DLC1: variants seen among roughly 807,000 people sequenced by gnomAD.
DLC1 encodes the protein DLC1 Rho GTPase activating protein.
DLC1 carries 54 observed loss-of-function variants against 140.3 expected under a neutral mutation model. That is an observed-to-expected ratio of 0.38 (90% CI 0.31 to 0.48). The LOEUF (loss-of-function observed/expected upper bound fraction) is 0.48. Ranked by LOEUF, DLC1 falls within the 20% of genes least tolerant of loss-of-function variation. The pLI is 0.96. For synonymous variants in DLC1, 986 were observed against 728.1 expected (o/e 1.35, Z -5.70); for missense variants, 2,536 against 1,907.0 (o/e 1.33, Z -6.14).
intron 5 of DLC1, among the ~76,000 whole-genome samples, chr8:13,138,692 C>T (rs1822745409): frequency 6.6e-6 from 1 of 152,142 alleles, no homozygotes; most frequent in Admixed American, 6.5e-5. Context: ...GAATGGCTGT[C>T]CTTAAAACAT....
At chr8:13,595,711 A>G (rs1254939062) in intron 1 of DLC1, among the ~76,000 whole-genome samples, 1 of 152,048 alleles carries the variant, frequency 6.6e-6, no homozygotes, top group South Asian at 2.1e-4. Flanking sequence ...AAGATTACTA[A>G]TTGTGAAAAT....
At chr8:13,484,761 A>C (rs1800888005) in intron 2 of DLC1, among the ~76,000 whole-genome samples, 1 of 151,964 alleles carries the variant, frequency 6.6e-6, no homozygotes, top group Non-Finnish European at 1.5e-5. Context: ...GTCACTTTGA[A>C]CATAAACAGT....
chr8:13,297,288 A>AAAAAAAAAAAAAAAAAAAAAAAAC (rs1317943641), intron 5 of DLC1, among the ~76,000 whole-genome samples: 2 of 141,148 alleles, frequency 1.4e-5, no homozygotes, highest in African/African-American at 2.6e-5. Context: ...ACATTAAAAA[A>AAAAAAAAAAAAAAAAAAAAAAAAC]AAAAAAAACT....
intron 5 of DLC1, among the ~76,000 whole-genome samples, chr8:13,280,463 G>A (rs906461155): frequency 6.6e-6 from 1 of 152,096 alleles, no homozygotes; most frequent in African/African-American, 2.4e-5. Context: ...GTTCTAGTCT[G>A]TATCCTAAGC....
At chr8:13,466,883 C>A (rs1395882468) in intron 2 of DLC1, among the ~76,000 whole-genome samples, 2 of 151,758 alleles carry the variant, frequency 1.3e-5, no homozygotes, top group African/African-American at 4.8e-5. Flanking sequence ...TGTAGACTGG[C>A]AATAACTGAA....
intron 1 of DLC1, among the ~76,000 whole-genome samples, chr8:13,598,005 C>T (rs1319293604): frequency 2.0e-5 from 3 of 152,198 alleles, no homozygotes; most frequent in Admixed American, 2.0e-4. Context: ...TATCAAGAGT[C>T]TGATTACTAA....
At chr8:13,452,416 A>G (rs1488140342) in intron 2 of DLC1, among the ~76,000 whole-genome samples, 1 of 152,120 alleles carries the variant, frequency 6.6e-6, no homozygotes, top group Non-Finnish European at 1.5e-5. Flanking sequence ...AGAGACTGAA[A>G]CAATTTCTAC....
At chr8:13,543,803 G>A (rs114404856) in intron 1 of DLC1, among the ~76,000 whole-genome samples, 3,567 of 152,124 alleles carry the variant, frequency 0.023, 124 homozygotes, top group East Asian at 0.16. Context: ...GGTATGCAAA[G>A]GCATACAAAG....
intron 1 of DLC1, among the ~76,000 whole-genome samples, chr8:13,502,174 C>T (rs1006163743): frequency 6.6e-6 from 1 of 152,158 alleles, no homozygotes; most frequent in Non-Finnish European, 1.5e-5. Context: ...GTCACTCAAC[C>T]TTGACAAGTA....
In DLC1 at chr8:13,095,281, G is replaced by C. The variant is rs1226560177; in HGVS notation, c.3168-36C>G. ...ACACAGAGATGGTGGTGTTGGCGGA[G>C]ACATGCTCACTTGTCTGTCTACACT... On this transcript the variant is annotated intron_variant, in intron 10 of 17. Transcript: ENST00000276297. 3.7e-6 allele frequency: 6 copies of C among 1,613,398 alleles called. No homozygotes were observed. In the South Asian group the frequency reaches 5.5e-5, roughly 15 times the overall value.
At chr8:13,285,603 CAT>C (rs1330683274) in intron 5 of DLC1, among the ~76,000 whole-genome samples, 1 of 152,208 alleles carries the variant, frequency 6.6e-6, no homozygotes, top group African/African-American at 2.4e-5. Context: ...AAATTAAAGA[CAT>C]ATGGAGATAC....
At chr8:13,458,664 C>T (rs1030260136) in intron 2 of DLC1, among the ~76,000 whole-genome samples, 1 of 152,134 alleles carries the variant, frequency 6.6e-6, no homozygotes, top group Non-Finnish European at 1.5e-5. Flanking sequence ...CTTCGTATGT[C>T]AGTAGGTGAA....
intron 2 of DLC1, among the ~76,000 whole-genome samples, chr8:13,454,479 A>G (rs1052206813): frequency 1.1e-4 from 16 of 152,224 alleles, no homozygotes; most frequent in African/African-American, 3.9e-4. Context: ...AATACTGCAG[A>G]GAAAGAAGGA....
At chr8:13,435,496 T>TAG (rs758455775) in intron 2 of DLC1, among the ~76,000 whole-genome samples, 60 of 152,100 alleles carry the variant, frequency 3.9e-4, no homozygotes, top group Non-Finnish European at 7.9e-4. Context: ...GTATTTTTAG[T>TAG]AGAGATGGGG....
intron 3 of DLC1, among the ~76,000 whole-genome samples, chr8:13,395,866 A>C (rs1364839982): frequency 6.7e-6 from 1 of 150,266 alleles, no homozygotes; most frequent in Non-Finnish European, 1.5e-5. Context: ...GTTTTTTTGC[A>C]TAGAAAAGAC....
chr8:13,487,686 C>G (rs1801034669), intron 2 of DLC1, among the ~76,000 whole-genome samples: 1 of 151,944 alleles, frequency 6.6e-6, no homozygotes, highest in Admixed American at 6.6e-5. Context: ...CAGTTCTCTG[C>G]CTCAGCCTCC....
intron 5 of DLC1, among the ~76,000 whole-genome samples, chr8:13,171,936 A>G (rs1825508122): frequency 6.6e-6 from 1 of 152,168 alleles, no homozygotes; most frequent in South Asian, 2.1e-4. Context: ...GGGTATCTGA[A>G]TGCTCATCCA....
At chr8:13,201,272 A>T (rs1167882075) in intron 5 of DLC1, among the ~76,000 whole-genome samples, 1 of 152,204 alleles carries the variant, frequency 6.6e-6, no homozygotes, top group Non-Finnish European at 1.5e-5. Flanking sequence ...CGAAAAAATG[A>T]AATTGTCAAA....
intron 1 of DLC1, among the ~76,000 whole-genome samples, chr8:13,548,758 G>A (rs998624674): frequency 6.6e-6 from 1 of 151,948 alleles, no homozygotes; most frequent in Non-Finnish European, 1.5e-5. Context: ...CATCAAGATA[G>A]CCAGTAAAGA....
Sources: allele counts gnomAD v4.1 joint callset (sites outside exome capture counted in the v4.1 genomes callset), GRCh38; gene constraint gnomAD v4.1.1; transcripts MANE v1.5; gene names NCBI Gene and HGNC (gene_info 2026-07-23, HGNC 2026-07-21).